Variants in NTN4 observed in about 807,000 individuals in gnomAD.
The protein encoded by NTN4 is netrin 4.
In NTN4, 32 loss-of-function variants were observed where a neutral mutation model predicts 73.6. The observed-to-expected ratio is 0.44, with a 90% CI of 0.33 to 0.58. The LOEUF is 0.58. Ranked by LOEUF, NTN4 falls within the 20% of genes least tolerant of loss-of-function variation. NTN4 has a pLI of 0.04. For synonymous variants in NTN4, 258 were observed against 287.5 expected (o/e 0.90, Z 1.04); for missense variants, 654 against 798.3 (o/e 0.82, Z 2.18).
intron 5 of NTN4, among the ~76,000 whole-genome samples, chr12:95,710,115 C>G (rs1035345329): frequency 1.3e-5 from 2 of 152,182 alleles, no homozygotes; most frequent in African/African-American, 2.4e-5. Flanking sequence ...CTTCTACTCA[C>G]AAGTAGTCTT....
chr12:95,759,277 A>G (rs562399381), intron 2 of NTN4, among the ~76,000 whole-genome samples: 1 of 152,116 alleles, frequency 6.6e-6, no homozygotes, highest in South Asian at 2.1e-4. Flanking sequence ...TGTTACTCCT[A>G]CAAAGATGTT....
At chr12:95,761,059 G>A (rs11108241) in intron 2 of NTN4, among the ~76,000 whole-genome samples, 2,127 of 152,228 alleles carry the variant, frequency 0.014, 52 homozygotes, top group African/African-American at 0.049. Context: ...TATAAATAGC[G>A]GAAACTATAG....
chr12:95,676,277 T>G (rs1052780632), intron 7 of NTN4, among the ~76,000 whole-genome samples: 2 of 152,002 alleles, frequency 1.3e-5, no homozygotes, highest in Non-Finnish European at 2.9e-5. Flanking sequence ...CTAATTTTTT[T>G]GTATTTTTAA....
intron 4 of NTN4, among the ~76,000 whole-genome samples, chr12:95,711,017 A>G: frequency 6.6e-6 from 1 of 152,190 alleles, no homozygotes. Context: ...TAAAAATAGG[A>G]TAAACTGATT....
intron 2 of NTN4, among the ~76,000 whole-genome samples, chr12:95,777,443 C>A (rs962411181): frequency 1.3e-5 from 2 of 152,022 alleles, no homozygotes; most frequent in African/African-American, 4.8e-5. Flanking sequence ...CATGCATAGG[C>A]TCATATAAAG....
intron 2 of NTN4, among the ~76,000 whole-genome samples, chr12:95,746,512 C>T (rs2078863914): frequency 6.6e-6 from 1 of 152,158 alleles, no homozygotes; most frequent in South Asian, 2.1e-4. Context: ...TAATTCATCT[C>T]AAAGTGTGGC....
intron 3 of NTN4, among the ~76,000 whole-genome samples, chr12:95,730,840 A>C (rs2078732019): frequency 6.6e-6 from 1 of 152,194 alleles, no homozygotes; most frequent in African/African-American, 2.4e-5. Flanking sequence ...AATATTAGGA[A>C]TATGTTGCAC....
intron 5 of NTN4, among the ~76,000 whole-genome samples, chr12:95,692,126 C>T (rs2078406493): frequency 6.6e-6 from 1 of 152,082 alleles, no homozygotes; most frequent in Non-Finnish European, 1.5e-5. Context: ...ACCTCTGCCT[C>T]CTGGGTCCAA....
intron 2 of NTN4, among the ~76,000 whole-genome samples, chr12:95,751,009 T>A (rs1412947831): frequency 6.6e-6 from 1 of 152,180 alleles, no homozygotes; most frequent in Non-Finnish European, 1.5e-5. Flanking sequence ...CTCTTTTTCA[T>A]CAAATATAAA....
chr12:95,680,195 G>T (rs558018038), intron 7 of NTN4, among the ~76,000 whole-genome samples: 16 of 152,290 alleles, frequency 1.1e-4, no homozygotes, highest in African/African-American at 3.6e-4. Context: ...CAGAAGCAGA[G>T]ATTTAATGTT....
intron 2 of NTN4, among the ~76,000 whole-genome samples, chr12:95,751,989 G>A (rs1159704298): frequency 1.3e-5 from 2 of 150,838 alleles, no homozygotes; most frequent in African/African-American, 4.9e-5. Context: ...CTGGACTACA[G>A]CTATATCTCA....
intron 2 of NTN4, among the ~76,000 whole-genome samples, chr12:95,740,596 G>A (rs573704923): frequency 3.3e-5 from 5 of 152,210 alleles, no homozygotes; most frequent in Admixed American, 6.5e-5. Flanking sequence ...CTTTTATTAT[G>A]TTTTGGTGGT....
intron 7 of NTN4, among the ~76,000 whole-genome samples, chr12:95,676,837 A>G (rs11108189): frequency 0.28 from 43,095 of 152,138 alleles, 6,338 homozygotes; most frequent in Non-Finnish European, 0.3. Flanking sequence ...AAAGGCACAG[A>G]TAAGCTTAGG....
rs1035683719 is a variant in NTN4 at position 95,789,087 on chromosome 12, T to A, written c.55+1168A>T. ...AATATCCAATAATTTTAAATGCCCCTAAACTCCTAAGTCCAGAAAAGATTT... is the reference window on the plus strand; with the variant it reads ...AATATCCAATAATTTTAAATGCCCCAAAACTCCTAAGTCCAGAAAAGATTT... On this transcript the variant is annotated intron_variant, in intron 1 of 9. Transcript: ENST00000343702. The surrounding 1 kb of genome is among the most constrained non-coding windows in gnomAD (Gnocchi z 4.0). 6.6e-6 allele frequency among the ~76,000 whole-genome samples: 1 copy of A among 152,218 alleles called. No individual in the cohort carries two copies. The highest frequency in any genetic ancestry group is 1.5e-5 in the Non-Finnish European group (1 of 68,032).
chr12:95,748,511 T>C (rs1262708371), intron 2 of NTN4, among the ~76,000 whole-genome samples: 1 of 147,340 alleles, frequency 6.8e-6, no homozygotes. Flanking sequence ...GGAGTCTCGC[T>C]CTGTTGTCCA....
chr12:95,748,691 G>A (rs1315472217), intron 2 of NTN4, among the ~76,000 whole-genome samples: 2 of 151,980 alleles, frequency 1.3e-5, no homozygotes, highest in South Asian at 2.1e-4. Context: ...AGCTGGTCTC[G>A]AACTCCTGAC....
chr12:95,732,565 A>G (rs892187100), intron 3 of NTN4, among the ~76,000 whole-genome samples: 1 of 151,852 alleles, frequency 6.6e-6, no homozygotes, highest in Non-Finnish European at 1.5e-5. Flanking sequence ...CACCACACCC[A>G]GCTAATTTTT....
At chr12:95,734,988 A>C (rs2078764576) in intron 3 of NTN4, among the ~76,000 whole-genome samples, 2 of 152,186 alleles carry the variant, frequency 1.3e-5, no homozygotes, top group African/African-American at 2.4e-5. Flanking sequence ...ATGGTGAGCC[A>C]AGATCGTGCC....
At chr12:95,730,138 A>G (rs1227447053) in intron 3 of NTN4, among the ~76,000 whole-genome samples, 1 of 152,226 alleles carries the variant, frequency 6.6e-6, no homozygotes, top group African/African-American at 2.4e-5. Flanking sequence ...TTTATAGAAC[A>G]AGTATTTCAA....
Sources: gnomAD v4.1 joint callset for allele counts (sites outside exome capture counted in the v4.1 genomes callset) on GRCh38, gnomAD v4.1.1 for gene constraint, Gnocchi (gnomAD v3.1) non-coding constraint, MANE v1.5 for transcripts, NCBI Gene and HGNC (gene_info 2026-07-23, HGNC 2026-07-21) for gene names.